Variants in UBE2E2 observed in about 807,000 individuals in gnomAD.
UBE2E2 encodes the protein ubiquitin conjugating enzyme E2 E2.
UBE2E2 carries 6 observed loss-of-function variants against 24.7 expected under a neutral mutation model. The ratio of observed to expected loss-of-function variants is 0.24; its 90% CI spans 0.13 to 0.48. The LOEUF (loss-of-function observed/expected upper bound fraction) is 0.48. Among genes scored for constraint, UBE2E2 ranks in the 20% least tolerant of loss-of-function variants. UBE2E2 has a pLI of 0.99. For missense variants in UBE2E2, 169 were observed against 245.0 expected (o/e 0.69, Z 2.07); for synonymous variants, 104 against 83.6 (o/e 1.24, Z -1.33).
chr3:23,239,410 C>T (rs576788319), intron 3 of UBE2E2, among the ~76,000 whole-genome samples: 1 of 152,228 alleles, frequency 6.6e-6, no homozygotes, highest in East Asian at 1.9e-4. Context: ...TAGAAAGGAA[C>T]CCCACATCCA....
At chr3:23,567,889 G>T (rs1031506847) in intron 5 of UBE2E2, among the ~76,000 whole-genome samples, 1 of 152,230 alleles carries the variant, frequency 6.6e-6, no homozygotes, top group African/African-American at 2.4e-5. Flanking sequence ...AGGAGAGGGG[G>T]AAGTTGGCAG....
In UBE2E2 at chr3:23,209,310, A is replaced by T. The variant is rs185643500; in HGVS notation, c.176+435A>T. Among the ~76,000 whole-genome samples the T allele has an allele frequency of 3.2e-3, 481 of 152,334 alleles. 11 individuals carry two copies. The highest frequency in any genetic ancestry group is 6.6e-4 in the Non-Finnish European group (45 of 68,018). ...TGGTAAAGTCAGAAATGCTGACATT[A>T]GCAACAGGTGCATCTTGGTTTCATT... On this transcript the variant is annotated intron_variant, in intron 2 of 5. Coordinates refer to ENST00000396703, the MANE Select transcript of UBE2E2 (RefSeq NM_152653.4).
chr3:23,256,775 A>G (rs181544486), intron 3 of UBE2E2, among the ~76,000 whole-genome samples: 4 of 152,230 alleles, frequency 2.6e-5, no homozygotes, highest in Admixed American at 6.5e-5. Context: ...ACTTATCTCT[A>G]AGGCCTGCAT....
At chr3:23,566,243 A>G (rs754330506) in intron 5 of UBE2E2, among the ~76,000 whole-genome samples, 1 of 152,214 alleles carries the variant, frequency 6.6e-6, no homozygotes, top group African/African-American at 2.4e-5. Context: ...GAAAAATACA[A>G]TTTAATAGGC....
intron 3 of UBE2E2, among the ~76,000 whole-genome samples, chr3:23,487,558 A>C (rs531465967): frequency 6.6e-6 from 1 of 152,198 alleles, no homozygotes; most frequent in Non-Finnish European, 1.5e-5. Context: ...AAACTTACAT[A>C]GCCATTACTA....
chr3:23,325,241 A>G (rs1404564461), intron 3 of UBE2E2, among the ~76,000 whole-genome samples: 5 of 152,162 alleles, frequency 3.3e-5, no homozygotes, highest in African/African-American at 1.2e-4. Context: ...CTTTGGGACA[A>G]GGATTTAGAT....
intron 3 of UBE2E2, among the ~76,000 whole-genome samples, chr3:23,390,208 A>C (rs532524856): frequency 5.3e-5 from 8 of 152,278 alleles, no homozygotes; most frequent in African/African-American, 1.7e-4. Flanking sequence ...GAGGCCCTGA[A>C]TGAGAACAGT....
intron 2 of UBE2E2, among the ~76,000 whole-genome samples, chr3:23,214,224 A>G (rs142263751): frequency 1.3e-5 from 2 of 152,240 alleles, no homozygotes; most frequent in East Asian, 1.9e-4. Context: ...TTCAAATTTT[A>G]TATAGAATTA....
intron 3 of UBE2E2, among the ~76,000 whole-genome samples, chr3:23,251,855 A>G (rs935623274): frequency 6.6e-6 from 1 of 152,242 alleles, no homozygotes; most frequent in African/African-American, 2.4e-5. Context: ...TGCTATACCC[A>G]TACATTTATA....
chr3:23,249,695 G>T (rs557734900), intron 3 of UBE2E2, among the ~76,000 whole-genome samples: 1 of 150,858 alleles, frequency 6.6e-6, no homozygotes, highest in East Asian at 1.9e-4. Context: ...TTGCTCTTTC[G>T]CGCAGACTGG....
chr3:23,449,820 G>A (rs1442069183), intron 3 of UBE2E2: 1 of 974,072 alleles, frequency 1.0e-6, no homozygotes, highest in Non-Finnish European at 1.2e-6. Flanking sequence ...AAGTTTTAAA[G>A]CTGGCTAACA....
At chr3:23,448,061 T>C (rs576648537) in intron 3 of UBE2E2, among the ~76,000 whole-genome samples, 1 of 152,348 alleles carries the variant, frequency 6.6e-6, no homozygotes, top group South Asian at 2.1e-4. Context: ...AAATTATCTC[T>C]TTAATTAAAG....
At chr3:23,481,368 A>G (rs1021975867) in intron 3 of UBE2E2, among the ~76,000 whole-genome samples, 1 of 152,226 alleles carries the variant, frequency 6.6e-6, no homozygotes, top group Non-Finnish European at 1.5e-5. Flanking sequence ...TTTAGAAGGA[A>G]ATTGCTTTTT....
intron 3 of UBE2E2, among the ~76,000 whole-genome samples, chr3:23,340,773 A>G (rs1695361057): frequency 6.6e-6 from 1 of 152,170 alleles, no homozygotes; most frequent in African/African-American, 2.4e-5. Flanking sequence ...GTTAACTCTG[A>G]AATACTGAAA....
At chr3:23,323,247 G>A (rs899256288) in intron 3 of UBE2E2, among the ~76,000 whole-genome samples, 15 of 152,084 alleles carry the variant, frequency 9.9e-5, no homozygotes, top group African/African-American at 3.6e-4. Context: ...CAGGTTTGGT[G>A]TTTAAGTAAA....
At chr3:23,233,086 G>A (rs534867562) in intron 3 of UBE2E2, among the ~76,000 whole-genome samples, 265 of 152,290 alleles carry the variant, frequency 1.7e-3, no homozygotes, top group African/African-American at 6.1e-3. Context: ...TGGTTAGTTG[G>A]TGAGTAAGGG....
At chr3:23,246,515 A>T (rs564308241) in intron 3 of UBE2E2, among the ~76,000 whole-genome samples, 2 of 149,164 alleles carry the variant, frequency 1.3e-5, no homozygotes. Context: ...GATTACAGGC[A>T]TGAGCCACTG....
chr3:23,454,793 T>G (rs1698639558), intron 3 of UBE2E2, among the ~76,000 whole-genome samples: 1 of 152,228 alleles, frequency 6.6e-6, no homozygotes, highest in Non-Finnish European at 1.5e-5. Context: ...AGCACTAAAA[T>G]AAAAGACTAC....
At chr3:23,335,545 T>C (rs893716590) in intron 3 of UBE2E2, among the ~76,000 whole-genome samples, 5 of 152,170 alleles carry the variant, frequency 3.3e-5, no homozygotes, top group Non-Finnish European at 7.3e-5. Flanking sequence ...AAAAGGTTTT[T>C]TAAGAGACAT....
Sources: gnomAD v4.1 joint callset for allele counts (sites outside exome capture counted in the v4.1 genomes callset) on GRCh38, gnomAD v4.1.1 for gene constraint, MANE v1.5 for transcripts, NCBI Gene and HGNC (gene_info 2026-07-23, HGNC 2026-07-21) for gene names.